CD53: variants seen among roughly 807,000 people sequenced by gnomAD.
The protein encoded by CD53 is leukocyte surface antigen CD53.
CD53 carries 20 observed loss-of-function variants against 27.3 expected under a neutral mutation model. The observed-to-expected ratio is 0.73, with a 90% confidence interval of 0.52 to 1.07. CD53 has a LOEUF of 1.07. Ranked by LOEUF, CD53 falls within the 50% of genes least tolerant of loss-of-function variation. The pLI is 0.00. For missense variants in CD53, 216 were observed against 264.0 expected (o/e 0.82, Z 1.26); for synonymous variants, 106 against 105.3 (o/e 1.01, Z -0.04).
At chr1:110,887,911 A>G (rs1656690114) in intron 1 of CD53, among the ~76,000 whole-genome samples, 1 of 152,234 alleles carries the variant, frequency 6.6e-6, no homozygotes, top group Non-Finnish European at 1.5e-5. Flanking sequence ...ATGACTTTGA[A>G]GTTGTGATTA....
At position 110,873,155 on chromosome 1, in the gene CD53, GC is replaced by G. The variant is rs1656013032; in HGVS notation, c.-107del. The stretch of plus-strand genomic sequence containing the variant: ...CTTCACTTCTCCTTTTACACAAATA[GC>G]CCCGGATATCTGTGTTACCAGCCTT... On this transcript the variant is annotated 5_prime_UTR_variant, in exon 1 of 8. Transcript: ENST00000271324. The G allele has an allele frequency of 6.6e-6, 1 of 152,456 alleles. No individual in the cohort carries two copies. Among genetic ancestry groups the G allele is most frequent in the Non-Finnish European group, 1.5e-5 (1 of 68,010 alleles). 9.4% of individuals were successfully genotyped at this position (152,456 alleles called of 1,614,324 possible). A position where few individuals can be genotyped will look rare whatever the true frequency, so the allele number is the denominator to read the frequency against.
intron 2 of CD53, among the ~76,000 whole-genome samples, chr1:110,891,720 C>T (rs1656862880): frequency 6.6e-6 from 1 of 152,182 alleles, no homozygotes; most frequent in Non-Finnish European, 1.5e-5. Context: ...CTTTAGTTTA[C>T]TACTACTCGT....
chr1:110,887,353 C>G (rs940950021), intron 1 of CD53, among the ~76,000 whole-genome samples: 8 of 152,148 alleles, frequency 5.3e-5, no homozygotes, highest in Non-Finnish European at 1.0e-4. Flanking sequence ...CGTGAGCCAC[C>G]GCGCCCAGCC....
At chr1:110,887,490 A>G (rs1656674878) in intron 1 of CD53, among the ~76,000 whole-genome samples, 1 of 152,180 alleles carries the variant, frequency 6.6e-6, no homozygotes, top group African/African-American at 2.4e-5. Flanking sequence ...TTTTGAGTGA[A>G]TCTATGTGTA....
At chr1:110,896,070 T>A (rs1657050678) in intron 5 of CD53, among the ~76,000 whole-genome samples, 1 of 152,104 alleles carries the variant, frequency 6.6e-6, no homozygotes, top group African/African-American at 2.4e-5. Context: ...TCTCTCTATT[T>A]ATCTTTTAAT....
At chr1:110,891,547 GCTGGTGTGGGGTAA>G in intron 2 of CD53, 76 bp downstream of exon 2, 2 of 1,114,208 alleles carry the variant, frequency 1.8e-6, no homozygotes, top group Non-Finnish European at 2.7e-6. Context: ...TACTGAAGAG[GCTGGTGTGGGGTAA>G]AATGCATGCG....
At chr1:110,897,517 T>C (rs1201820621) in intron 6 of CD53, among the ~76,000 whole-genome samples, 4 of 152,310 alleles carry the variant, frequency 2.6e-5, no homozygotes, top group African/African-American at 4.8e-5. Context: ...TCAAAGACAG[T>C]AGGACGTCGG....
chr1:110,877,888 C>T (rs1656189180), intron 1 of CD53, among the ~76,000 whole-genome samples: 1 of 152,222 alleles, frequency 6.6e-6, no homozygotes, highest in Non-Finnish European at 1.5e-5. Flanking sequence ...TTTGATTGCA[C>T]CTCAGCCACT....
chr1:110,884,540 C>A (rs973805152), intron 1 of CD53, among the ~76,000 whole-genome samples: 1 of 152,098 alleles, frequency 6.6e-6, no homozygotes, highest in African/African-American at 2.4e-5. Context: ...ATTCCATCAA[C>A]TATTGAGAGA....
intron 7 of CD53, among the ~76,000 whole-genome samples, chr1:110,898,159 C>T (rs988489539): frequency 4.6e-5 from 7 of 151,982 alleles, no homozygotes; most frequent in African/African-American, 1.5e-4. Flanking sequence ...AGGCAGATCA[C>T]GAGGTCAGGA....
chr1:110,873,379 C>T (rs927553324), intron 1 of CD53, 131 bp downstream of exon 1: 1 of 152,620 alleles, frequency 6.6e-6, no homozygotes, highest in Non-Finnish European at 1.5e-5. Context: ...ATTTAGTGCA[C>T]AAAGTAAAAC....
intron 1 of CD53, among the ~76,000 whole-genome samples, chr1:110,887,031 T>C (rs1656648356): frequency 6.7e-6 from 1 of 148,824 alleles, no homozygotes; most frequent in Non-Finnish European, 1.5e-5. Context: ...ATTTGAGTCT[T>C]TTTATACTTT....
In CD53 at chr1:110,899,157, T is replaced by G; in HGVS notation, c.622T>G (p.Cys208Gly). ...GATGTCCTTTGCACTGACCCTGAACTGCCAGATTGACAAAACCAGCCAGAC... is the reference window on the plus strand; with the variant it reads ...GATGTCCTTTGCACTGACCCTGAACGGCCAGATTGACAAAACCAGCCAGAC... ...LGMSFALTLNCQIDKTSQTIG... is the reference protein window; with the variant it reads ...LGMSFALTLNGQIDKTSQTIG... The change falls in exon 8 of 8, where the codon TGC (cysteine) becomes GGC (glycine). Residue 208 changes from cysteine to glycine, a missense_variant. Transcript: ENST00000271324. 2 of 1,613,988 alleles carry G rather than the reference T, an allele frequency of 1.2e-6. No homozygotes were observed. The highest frequency in any genetic ancestry group is 1.7e-6 in the Non-Finnish European group (2 of 1,179,878).
chr1:110,874,550 G>T (rs774850998), intron 1 of CD53, among the ~76,000 whole-genome samples: 1 of 152,220 alleles, frequency 6.6e-6, no homozygotes, highest in Non-Finnish European at 1.5e-5. Context: ...AAGAGGTTTT[G>T]CTTTCTCAAT....
chr1:110,880,154 T>C (rs1656300354), intron 1 of CD53: 1 of 152,110 alleles, frequency 6.6e-6, no homozygotes. Context: ...CCATGAGTCA[T>C]GCATCTAAGA....
rs1656981491 is a variant in CD53, at chr1:110,894,516, G to A, written c.327+115G>A. Reference sequence around the variant, plus strand: ...CTATAATAGAGATAGAAATGAAGTGGAAGGATAGAGGAAACAGAGAGTAAT... The same window carrying A: ...CTATAATAGAGATAGAAATGAAGTGAAAGGATAGAGGAAACAGAGAGTAAT... On this transcript the variant is annotated intron_variant, in intron 4 of 7. Transcript: ENST00000271324. The A allele has an allele frequency of 1.2e-5, 10 of 800,060 alleles. No homozygotes were observed. The South Asian group carries it at 1.5e-4, about 12-fold the overall frequency. The allele number at this position is 800,060 out of a possible 1,614,324, so 49.6% of individuals were successfully genotyped here. A position where few individuals can be genotyped will look rare whatever the true frequency, so the allele number is the denominator to read the frequency against.
chr1:110,875,321 A>G (rs1656080172), intron 1 of CD53, among the ~76,000 whole-genome samples: 1 of 152,192 alleles, frequency 6.6e-6, no homozygotes, highest in Non-Finnish European at 1.5e-5. Flanking sequence ...ATCGCTCACC[A>G]GGCAGGTCCT....
At chr1:110,898,455 TCAAA>T (rs1657162848) in intron 7 of CD53, among the ~76,000 whole-genome samples, 1 of 150,874 alleles carries the variant, frequency 6.6e-6, no homozygotes, top group Non-Finnish European at 1.5e-5. Context: ...TGATTCACAG[TCAAA>T]CAAAAAAGCC....
At chr1:110,897,650 A>G in intron 6 of CD53, 159 bp from the exon 7 acceptor site, 1 of 487,296 alleles carries the variant, frequency 2.1e-6, no homozygotes. Context: ...TTCCCACCTT[A>G]TGCCTGTTTC....
Sources: allele counts gnomAD v4.1 joint callset (sites outside exome capture counted in the v4.1 genomes callset), GRCh38; gene constraint gnomAD v4.1.1; transcripts MANE v1.5; gene names NCBI Gene and HGNC (gene_info 2026-07-23, HGNC 2026-07-21).